The following CDK6 variants were observed in gnomAD, a reference collection of about 807,000 sequenced individuals.
CDK6 encodes the protein cyclin dependent kinase 6.
Under a neutral mutation model 37.1 loss-of-function variants are expected in CDK6, and 6 were observed. The ratio of observed to expected loss-of-function variants is 0.16; its 90% CI spans 0.09 to 0.32. CDK6 has a LOEUF of 0.32. Ranked by LOEUF, CDK6 falls within the 10% of genes least tolerant of loss-of-function variation. The pLI is 1.00. For synonymous variants in CDK6, 160 were observed against 161.3 expected (o/e 0.99, Z 0.06); for missense variants, 224 against 418.9 (o/e 0.53, Z 4.06).
chr7:92,662,623 G>A (rs1285713402), intron 5 of CDK6, among the ~76,000 whole-genome samples: 1 of 152,136 alleles, frequency 6.6e-6, no homozygotes, highest in African/African-American at 2.4e-5. Flanking sequence ...TAGGCTGGGG[G>A]ACAGGGAGAG....
intron 4 of CDK6, among the ~76,000 whole-genome samples, chr7:92,717,180 A>C (rs1798247491): frequency 6.8e-6 from 1 of 147,696 alleles, no homozygotes; most frequent in African/African-American, 2.5e-5. Flanking sequence ...CCATCTCTTA[A>C]AAAAAAAAAG....
chr7:92,690,648 C>A (rs555553161), intron 4 of CDK6, among the ~76,000 whole-genome samples: 16 of 152,298 alleles, frequency 1.1e-4, no homozygotes, highest in Admixed American at 3.3e-4. Context: ...TAACATTCTA[C>A]AGAATTAGTG....
At chr7:92,757,244 A>T (rs1799339177) in intron 3 of CDK6, among the ~76,000 whole-genome samples, 1 of 152,128 alleles carries the variant, frequency 6.6e-6, no homozygotes, top group African/African-American at 2.4e-5. Flanking sequence ...AGATTATTTC[A>T]TCACCAAGGT....
At chr7:92,684,142 A>G (rs1433954947) in intron 4 of CDK6, among the ~76,000 whole-genome samples, 2 of 152,146 alleles carry the variant, frequency 1.3e-5, no homozygotes, top group Non-Finnish European at 2.9e-5. Flanking sequence ...CAACGACTCT[A>G]TTTTTACAGA....
chr7:92,754,646 C>G (rs775366809), intron 3 of CDK6, among the ~76,000 whole-genome samples: 1 of 152,218 alleles, frequency 6.6e-6, no homozygotes, highest in Non-Finnish European at 1.5e-5. Flanking sequence ...ATTTGGATAA[C>G]AGCAGCTTAA....
At chr7:92,638,841 G>A (rs911599597) in intron 5 of CDK6, among the ~76,000 whole-genome samples, 6 of 152,144 alleles carry the variant, frequency 3.9e-5, no homozygotes, top group African/African-American at 1.4e-4. Context: ...GCTTTTCCAG[G>A]AGAACCACCA....
chr7:92,832,849 G>A (rs1249727759), intron 2 of CDK6, among the ~76,000 whole-genome samples: 1 of 152,206 alleles, frequency 6.6e-6, no homozygotes, highest in East Asian at 1.9e-4. Flanking sequence ...CACAGCTGCA[G>A]GGAAGCCTGC....
chr7:92,623,011 G>A (rs2116494659), intron 6 of CDK6, 25 bp downstream of exon 6: 1 of 1,437,552 alleles, frequency 7.0e-7, no homozygotes. Flanking sequence ...ATGGACACTG[G>A]TGTAAAATTA....
At position 92,807,917 on chromosome 7, in the gene CDK6, C is replaced by T. The variant is rs75137515; in HGVS notation, c.233+25174G>A. On this transcript the variant is annotated intron_variant, in intron 2 of 7. Coordinates refer to ENST00000424848, the MANE Select transcript of CDK6 (RefSeq NM_001145306.2). ...TATATCTTGAAGTATCTTCTCAATG[C>T]TCAACAAAGATTAAATTATGAGTTT... Among the ~76,000 whole-genome samples the T allele has an allele frequency of 2.6e-3, 397 of 152,200 alleles. 1 individual carries two copies. The highest frequency in any genetic ancestry group is 9.2e-3 in the African/African-American group (381 of 41,520).
At chr7:92,704,920 CTAAAG>C (rs1797933705) in intron 4 of CDK6, among the ~76,000 whole-genome samples, 1 of 152,152 alleles carries the variant, frequency 6.6e-6, no homozygotes, top group South Asian at 2.1e-4. Flanking sequence ...AAATTATTTT[CTAAAG>C]TAGAGTATCA....
chr7:92,656,327 A>C (rs184571732), intron 5 of CDK6, among the ~76,000 whole-genome samples: 3 of 152,202 alleles, frequency 2.0e-5, no homozygotes, highest in African/African-American at 7.2e-5. Flanking sequence ...GCGCAAAACA[A>C]AAGAGCAAGG....
chr7:92,753,799 C>G (rs940471207), intron 3 of CDK6, among the ~76,000 whole-genome samples: 3 of 152,180 alleles, frequency 2.0e-5, no homozygotes, highest in African/African-American at 7.2e-5. Flanking sequence ...TTCATTCCTA[C>G]TCCCTGCTTT....
At chr7:92,665,825 T>C (rs559400445) in intron 5 of CDK6, among the ~76,000 whole-genome samples, 12 of 152,174 alleles carry the variant, frequency 7.9e-5, no homozygotes, top group African/African-American at 2.7e-4. Context: ...CCCAGCAGAG[T>C]AGAAAAATCA....
intron 3 of CDK6, among the ~76,000 whole-genome samples, chr7:92,766,772 T>C (rs565951564): frequency 2.0e-5 from 3 of 152,330 alleles, no homozygotes; most frequent in Non-Finnish European, 4.4e-5. Context: ...CTGCAAGTTT[T>C]AATGGACTTT....
chr7:92,725,081 CTAT>C, intron 4 of CDK6: 13 of 985,394 alleles, frequency 1.3e-5, no homozygotes, highest in Non-Finnish European at 1.6e-5. Flanking sequence ...TTCGCTCTTT[CTAT>C]TCAGGGTTAT....
At chr7:92,677,504 T>C (rs1379789500) in intron 4 of CDK6, among the ~76,000 whole-genome samples, 2 of 151,854 alleles carry the variant, frequency 1.3e-5, no homozygotes, top group African/African-American at 4.8e-5. Context: ...CTGTAATCCC[T>C]GCTAATAGGG....
chr7:92,738,237 G>A (rs1008344860), intron 3 of CDK6, among the ~76,000 whole-genome samples: 2 of 151,990 alleles, frequency 1.3e-5, no homozygotes, highest in African/African-American at 4.8e-5. Flanking sequence ...AGAGGAAGGG[G>A]GATCTTCAGG....
chr7:92,631,030 T>C (rs1796038827), intron 5 of CDK6, among the ~76,000 whole-genome samples: 1 of 152,210 alleles, frequency 6.6e-6, no homozygotes. Flanking sequence ...AACCTCACCA[T>C]ACCACATAAT....
intron 3 of CDK6, among the ~76,000 whole-genome samples, chr7:92,746,676 G>C (rs55738883): frequency 0.023 from 3,560 of 152,226 alleles, 63 homozygotes; most frequent in Non-Finnish European, 0.039. Flanking sequence ...TACTCAATCT[G>C]TTCCAATTTA....
Sources: gnomAD v4.1 joint callset for allele counts (sites outside exome capture counted in the v4.1 genomes callset) on GRCh38, gnomAD v4.1.1 for gene constraint, MANE v1.5 for transcripts, NCBI Gene and HGNC (gene_info 2026-07-23, HGNC 2026-07-21) for gene names.